The following ME3 variants were observed in gnomAD, a reference collection of about 807,000 sequenced individuals.
ME3 encodes malic enzyme 3.
In ME3, 48 loss-of-function variants were observed where a neutral mutation model predicts 68.9. The observed-to-expected ratio is 0.70, with a 90% CI of 0.55 to 0.89. The LOEUF (loss-of-function observed/expected upper bound fraction) is 0.89. Among genes scored for constraint, ME3 ranks in the 40% least tolerant of loss-of-function variants. ME3 has a pLI of 0.00. For missense variants in ME3, 675 were observed against 797.4 expected (o/e 0.85, Z 1.85); for synonymous variants, 320 against 318.8 (o/e 1.00, Z -0.04).
chr11:86,551,888 C>G (rs979261910), intron 4 of ME3, among the ~76,000 whole-genome samples: 3 of 152,230 alleles, frequency 2.0e-5, no homozygotes, highest in Admixed American at 2.0e-4. Flanking sequence ...CCCAGCCTCA[C>G]CTTTCTAACT....
At chr11:86,564,079 C>T (rs1384358758) in intron 2 of ME3, among the ~76,000 whole-genome samples, 1 of 152,166 alleles carries the variant, frequency 6.6e-6, no homozygotes, top group East Asian at 1.9e-4. Context: ...AATCCATTAG[C>T]ATGGAATGTT....
At chr11:86,647,850 A>T (rs185003881) in intron 2 of ME3, among the ~76,000 whole-genome samples, 7 of 152,190 alleles carry the variant, frequency 4.6e-5, no homozygotes, top group African/African-American at 1.7e-4. Flanking sequence ...CAGATCAACG[A>T]GACATAAAAT....
Position 86,608,881 on chromosome 11 carries a change from C to T in ME3, c.184-49058G>A, listed in dbSNP as rs187641591. ...AAAGTAAAAATTCCATAATGACTTC[C>T]CAGATATACTTACTTCTAAAAAGGC... On this transcript the variant is annotated intron_variant, in intron 2 of 14. Coordinates refer to ENST00000543262, the Ensembl canonical transcript of ME3. Among the ~76,000 whole-genome samples the T allele has an allele frequency of 3.1e-3, 479 of 152,146 alleles. 1 individual carries two copies. Among genetic ancestry groups the T allele is most frequent in the Non-Finnish European group, 5.1e-3 (350 of 67,990 alleles).
chr11:86,638,806 G>A (rs541072602), intron 2 of ME3, among the ~76,000 whole-genome samples: 9 of 152,258 alleles, frequency 5.9e-5, no homozygotes, highest in Non-Finnish European at 1.0e-4. Context: ...AGATCACACT[G>A]CTAGTAAGTG....
chr11:86,600,288 C>G (rs1960381374), intron 2 of ME3, among the ~76,000 whole-genome samples: 1 of 152,148 alleles, frequency 6.6e-6, no homozygotes. Flanking sequence ...ACAAAAAAGG[C>G]AGGGGTTGCA....
chr11:86,448,226 C>T (rs1197988939), exon 11 of ME3: 4 of 1,614,052 alleles, frequency 2.5e-6, no homozygotes, highest in Non-Finnish European at 3.4e-6. Context: ...GGGCAAACAT[C>T]TCCTTTTCAT....
At chr11:86,529,184 A>G (rs1231035364) in intron 4 of ME3, among the ~76,000 whole-genome samples, 1 of 152,100 alleles carries the variant, frequency 6.6e-6, no homozygotes, top group Non-Finnish European at 1.5e-5. Flanking sequence ...TATCACCACC[A>G]ATCCCACAGA....
intron 2 of ME3, among the ~76,000 whole-genome samples, chr11:86,589,561 G>C (rs1366695774): frequency 6.6e-6 from 1 of 152,152 alleles, no homozygotes; most frequent in Non-Finnish European, 1.5e-5. Context: ...CCCCAACTGT[G>C]GTTTAATCCA....
chr11:86,554,560 C>T (rs1331539825), intron 4 of ME3, among the ~76,000 whole-genome samples: 2 of 152,178 alleles, frequency 1.3e-5, no homozygotes, highest in African/African-American at 4.8e-5. Flanking sequence ...GAAATAGACA[C>T]TGACATTTAT....
intron 5 of ME3, among the ~76,000 whole-genome samples, chr11:86,504,873 T>C (rs1282195731): frequency 2.0e-5 from 3 of 146,786 alleles, no homozygotes; most frequent in African/African-American, 5.1e-5. Context: ...ATATTTTTAG[T>C]AGAGATGAGG....
chr11:86,575,848 A>G (rs1165131106), intron 2 of ME3, among the ~76,000 whole-genome samples: 1 of 152,246 alleles, frequency 6.6e-6, no homozygotes, highest in African/African-American at 2.4e-5. Context: ...GAACAAATGA[A>G]TGAAAGTCTG....
intron 4 of ME3, among the ~76,000 whole-genome samples, chr11:86,542,585 C>T (rs776568482): frequency 5.3e-5 from 8 of 151,886 alleles, no homozygotes; most frequent in Non-Finnish European, 1.2e-4. Context: ...TGAAATAAAG[C>T]GTGAAGACAA....
chr11:86,610,095 C>CT, intron 2 of ME3, among the ~76,000 whole-genome samples: 1 of 152,146 alleles, frequency 6.6e-6, no homozygotes, highest in South Asian at 2.1e-4. Context: ...TGCCAAAAGG[C>CT]TATACTTTAA....
intron 2 of ME3, among the ~76,000 whole-genome samples, chr11:86,652,781 T>C (rs1256485410): frequency 6.6e-6 from 1 of 152,128 alleles, no homozygotes; most frequent in Admixed American, 6.5e-5. Flanking sequence ...AATGCTCCAA[T>C]TGAAAGACAC....
chr11:86,578,687 G>A (rs1025548438), intron 2 of ME3, among the ~76,000 whole-genome samples: 7 of 152,148 alleles, frequency 4.6e-5, no homozygotes, highest in African/African-American at 1.7e-4. Flanking sequence ...GACCATTGTG[G>A]TGCACAGGAG....
rs147260252 is a variant in ME3, at chr11:86,498,122, G to A, written c.546C>T (p.Ala182=). The change falls in exon 6 of 15, where the codon GCC becomes GCT. Residue 182 remains alanine, a splice_region_variant and synonymous_variant. Transcript: ENST00000543262. The stretch of plus-strand genomic sequence containing the variant: ...TGCGCTCCCCATCAGTCACCACCAC[G>A]GCCTGAAAAACAGCAGGGCACCATC... 424 of 1,608,414 alleles carry A rather than the reference G, an allele frequency of 2.6e-4. 1 individual carries two copies. Among genetic ancestry groups the A allele is most frequent in the Non-Finnish European group, 3.4e-4 (405 of 1,177,922 alleles).
At chr11:86,554,877 G>A (rs1466769358) in intron 4 of ME3, among the ~76,000 whole-genome samples, 1 of 152,166 alleles carries the variant, frequency 6.6e-6, no homozygotes, top group Non-Finnish European at 1.5e-5. Context: ...TCTAGTAGAA[G>A]ACAGTTATAT....
intron 2 of ME3, among the ~76,000 whole-genome samples, chr11:86,570,526 G>T (rs937421339): frequency 2.0e-5 from 3 of 152,090 alleles, no homozygotes; most frequent in South Asian, 2.1e-4. Context: ...TGGATATATG[G>T]GGATCTCAGA....
intron 7 of ME3, among the ~76,000 whole-genome samples, chr11:86,476,834 G>A (rs1296631330): frequency 6.6e-6 from 1 of 152,094 alleles, no homozygotes; most frequent in Non-Finnish European, 1.5e-5. Flanking sequence ...TTTTGTTTTT[G>A]TTTTTTCCTT....
Sources: gnomAD v4.1 joint callset for allele counts (sites outside exome capture counted in the v4.1 genomes callset) on GRCh38, gnomAD v4.1.1 for gene constraint, MANE v1.5 for transcripts, NCBI Gene and HGNC (gene_info 2026-07-23, HGNC 2026-07-21) for gene names.